The following TACC2 variants were observed in gnomAD, a reference collection of about 807,000 sequenced individuals.
TACC2 encodes transforming acidic coiled-coil-containing protein 2.
In TACC2, 137 loss-of-function variants were observed where a neutral mutation model predicts 227.3. The observed-to-expected ratio is 0.60, with a 90% CI of 0.52 to 0.69. The LOEUF is 0.69. Among genes scored for constraint, TACC2 ranks in the 30% least tolerant of loss-of-function variants. The pLI, the probability that TACC2 is intolerant of heterozygous loss-of-function variation, is 0.00. For synonymous variants in TACC2, 1,523 were observed against 1,487.5 expected, an observed-to-expected ratio of 1.02 and a Z score of -0.55; for missense variants, 3,470 against 3,694.4, an observed-to-expected ratio of 0.94 and a Z score of 1.57.
chr10:122,098,885 G>A (rs1467276962), intron 5 of TACC2, among the ~76,000 whole-genome samples: 2 of 152,272 alleles, frequency 1.3e-5, no homozygotes, highest in African/African-American at 2.4e-5. Flanking sequence ...GTGGCTCTCC[G>A]TGTTGCAATA....
At chr10:122,191,586 A>C (rs1170168165) in intron 7 of TACC2, among the ~76,000 whole-genome samples, 1 of 152,206 alleles carries the variant, frequency 6.6e-6, no homozygotes, top group African/African-American at 2.4e-5. Context: ...GGCCGCATTC[A>C]AAGCTGTCCT....
At chr10:122,253,383 T>A (rs1331166570) in intron 22 of TACC2, among the ~76,000 whole-genome samples, 1 of 152,110 alleles carries the variant, frequency 6.6e-6, no homozygotes, top group Non-Finnish European at 1.5e-5. Flanking sequence ...CAGTGTAGGA[T>A]CATCTGTGCT....
At chr10:122,196,752 C>T (rs955502487) in intron 8 of TACC2, among the ~76,000 whole-genome samples, 39 of 151,828 alleles carry the variant, frequency 2.6e-4, no homozygotes, top group Middle Eastern at 3.2e-3. Flanking sequence ...CTGGCCAATA[C>T]GGTGAAACCC....
chr10:122,012,403 A>G (rs1956047185), intron 1 of TACC2, among the ~76,000 whole-genome samples: 1 of 125,130 alleles, frequency 8.0e-6, no homozygotes. Context: ...CTGGTGCCAG[A>G]GCAAGACTCC....
intron 7 of TACC2, among the ~76,000 whole-genome samples, chr10:122,185,474 G>A (rs2094153572): frequency 4.6e-5 from 7 of 152,146 alleles, no homozygotes; most frequent in Admixed American, 4.6e-4. Context: ...GGGATTGCAG[G>A]CATGAGCCAC....
Position 122,087,702 on chromosome 10 carries a change from C to T in TACC2, c.5202C>T (p.Ser1734=), listed in dbSNP as rs769712352. Residue 1734 remains serine, a synonymous_variant, in exon 4 of 23, where the codon TCC becomes TCT. Transcript: ENST00000369005. ...LPEAGTTRTF[S]VVAGDLVLPG... ...AAGCAGGTACTACGAGGACATTCTC[C>T]GTTGTGGCAGGTGACTTGGTGCTGC... 7.4e-6 allele frequency: 12 copies of T among 1,613,194 alleles called. No homozygotes were observed. In the East Asian group the frequency reaches 8.9e-5, roughly 12 times the overall value.
chr10:122,223,956 T>G (rs1038804290), intron 11 of TACC2, among the ~76,000 whole-genome samples: 2 of 152,202 alleles, frequency 1.3e-5, no homozygotes, highest in Non-Finnish European at 2.9e-5. Flanking sequence ...TGCCTGGCAC[T>G]GTGCAAACCA....
intron 2 of TACC2, chr10:122,033,070 C>T (rs933182137): frequency 3.0e-5 from 38 of 1,285,734 alleles, no homozygotes; most frequent in African/African-American, 2.0e-4. Flanking sequence ...CCTGTCCTAA[C>T]GGTGAGATCC....
chr10:122,211,466 T>A lies in TACC2; in HGVS notation c.7041T>A (p.Phe2347Leu), dbSNP rs1211698784. 6.2e-7 allele frequency: 1 copy of A among 1,614,078 alleles called. No homozygotes were observed. Among genetic ancestry groups the A allele is most frequent in the Non-Finnish European group, 8.5e-7 (1 of 1,180,018 alleles). ...TTGACAAGTGGGATGACCCCAATTTTAACCCTTTTTCTTCCACCTCAAAAA... is the reference window on the plus strand; with the variant it reads ...TTGACAAGTGGGATGACCCCAATTTAAACCCTTTTTCTTCCACCTCAAAAA... ...FDIDKWDDPNFNPFSSTSKMQ... is the reference protein window; with the variant it reads ...FDIDKWDDPNLNPFSSTSKMQ... Residue 2347 changes from phenylalanine (F) to leucine (L), a missense_variant, in exon 9 of 23, where the codon TTT becomes TTA. Phe to Leu is a conservative substitution (Grantham distance 22). Coordinates refer to ENST00000369005, the MANE Select transcript of TACC2 (RefSeq NM_206862.4).
At chr10:122,078,310 C>T (rs1179794888) in intron 3 of TACC2, among the ~76,000 whole-genome samples, 1 of 151,792 alleles carries the variant, frequency 6.6e-6, no homozygotes, top group Non-Finnish European at 1.5e-5. Flanking sequence ...TTGCCGACTC[C>T]TGAAAACCTG....
rs184749565 is a variant in TACC2, at chr10:122,068,820, C to T, written c.147-13827C>T. The stretch of plus-strand genomic sequence containing the variant: ...CTAGGACTACAGACGCGCTCCACCA[C>T]ACCTGGCATTTTTCTGTCTGTGTGA... On this transcript the variant is annotated intron_variant, in intron 3 of 22. Transcript: ENST00000369005. Among the ~76,000 whole-genome samples, 90 of 151,602 alleles carry T rather than the reference C, an allele frequency of 5.9e-4. No individual in the cohort carries two copies. In the East Asian group the frequency reaches 0.015, roughly 25 times the overall value.
At chr10:122,114,782 C>T (rs2084337828) in intron 5 of TACC2, among the ~76,000 whole-genome samples, 1 of 152,202 alleles carries the variant, frequency 6.6e-6, no homozygotes, top group Non-Finnish European at 1.5e-5. Flanking sequence ...ATGGAACTGC[C>T]TTATGGAAAT....
intron 19 of TACC2, among the ~76,000 whole-genome samples, chr10:122,242,430 C>A (rs2096016697): frequency 6.6e-6 from 1 of 152,190 alleles, no homozygotes; most frequent in Non-Finnish European, 1.5e-5. Context: ...GGGACAAGGA[C>A]AGTGGACCAC....
At chr10:122,204,614 T>C (rs2095040842) in intron 8 of TACC2, among the ~76,000 whole-genome samples, 1 of 152,150 alleles carries the variant, frequency 6.6e-6, no homozygotes, top group Non-Finnish European at 1.5e-5. Flanking sequence ...GGTGGGAGGA[T>C]CGCTGGAGCC....
intron 5 of TACC2, among the ~76,000 whole-genome samples, chr10:122,117,492 G>C (rs936776850): frequency 3.3e-5 from 5 of 152,158 alleles, no homozygotes; most frequent in Non-Finnish European, 7.3e-5. Flanking sequence ...ACCGCACCCA[G>C]CTGCCACCCT....
chr10:122,075,188 CAAAAAAA>C (rs74264562), intron 3 of TACC2, among the ~76,000 whole-genome samples: 112 of 142,616 alleles, frequency 7.9e-4, no homozygotes, highest in Non-Finnish European at 1.4e-3. Context: ...ATCTTGCTGC[CAAAAAAA>C]AAAAAAAAGA....
At chr10:122,219,018 C>CAGAAAA (rs71482694) in intron 11 of TACC2, among the ~76,000 whole-genome samples, 1 of 74,684 alleles carries the variant, frequency 1.3e-5, no homozygotes, top group East Asian at 4.2e-4. Context: ...AGACTCGTCT[C>CAGAAAA]AAAAAAAAAA....
chr10:122,169,716 C>A (rs914226330), intron 7 of TACC2, among the ~76,000 whole-genome samples: 1 of 152,082 alleles, frequency 6.6e-6, no homozygotes, highest in South Asian at 2.1e-4. Context: ...GCCGATAATG[C>A]CCCAATTTAT....
chr10:122,114,252 TCTTA>T (rs1004788242), intron 5 of TACC2, among the ~76,000 whole-genome samples: 1 of 152,154 alleles, frequency 6.6e-6, no homozygotes, highest in African/African-American at 2.4e-5. Context: ...CTCTCCCCAT[TCTTA>T]CTTCTCTGAT....
Sources: allele counts gnomAD v4.1 joint callset (sites outside exome capture counted in the v4.1 genomes callset), GRCh38; gene constraint gnomAD v4.1.1; transcripts MANE v1.5; gene names NCBI Gene and HGNC (gene_info 2026-07-23, HGNC 2026-07-21).